PCDHGA2: variants seen among roughly 807,000 people sequenced by gnomAD.
The protein encoded by PCDHGA2 is protocadherin gamma-A2.
A neutral mutation model predicts 59.2 loss-of-function variants in PCDHGA2; 40 were observed. The observed-to-expected ratio is 0.68, with a 90% CI of 0.52 to 0.88. PCDHGA2 has a LOEUF of 0.88. PCDHGA2 is among the 40% of genes least tolerant of loss of function. PCDHGA2 has a pLI of 0.00. For missense variants in PCDHGA2, 1,226 were observed against 1,204.0 expected (o/e 1.02, Z -0.27); for synonymous variants, 560 against 526.0 (o/e 1.06, Z -0.89).
intron 1 of PCDHGA2, chr5:141,374,182 C>T (rs1262335911): frequency 1.9e-6 from 3 of 1,613,736 alleles, no homozygotes; most frequent in Middle Eastern, 1.6e-4. Flanking sequence ...AGATCCGCTA[C>T]TCTATTCCCG....
intron 1 of PCDHGA2, among the ~76,000 whole-genome samples, chr5:141,446,686 C>T (rs574630887): frequency 1.3e-5 from 2 of 152,294 alleles, no homozygotes; most frequent in African/African-American, 4.8e-5. Context: ...CCATATTGGC[C>T]AGGCTGGTCT....
At chr5:141,419,686 G>T (rs551990092) in intron 1 of PCDHGA2, 2 of 1,612,878 alleles carry the variant, frequency 1.2e-6, no homozygotes, top group South Asian at 1.1e-5. Flanking sequence ...ACCACGTGGT[G>T]CAGGCCAGTG....
chr5:141,398,040 C>T (rs569692941), intron 1 of PCDHGA2: 5 of 1,485,976 alleles, frequency 3.4e-6, no homozygotes, highest in East Asian at 4.8e-5. Context: ...AACTAAAGCC[C>T]GTTCGGAGAT....
At chr5:141,345,612 G>A (rs770695271) in intron 1 of PCDHGA2, 4 of 1,614,054 alleles carry the variant, frequency 2.5e-6, no homozygotes, top group Non-Finnish European at 3.4e-6. Context: ...GCAATTTAGA[G>A]ACTTAAAGCT....
chr5:141,356,111 T>TG (rs755507945), intron 1 of PCDHGA2: 42 of 1,613,700 alleles, frequency 2.6e-5, no homozygotes, highest in African/African-American at 8.0e-5. Context: ...ATAACAATAT[T>TG]GGGGGGTCTA....
chr5:141,414,648 T>G (rs2095770464), intron 1 of PCDHGA2: 2 of 1,613,844 alleles, frequency 1.2e-6, no homozygotes, highest in Non-Finnish European at 1.7e-6. Context: ...ATGCCCAGAT[T>G]ATTTACTCCC....
rs755130135 is a variant in PCDHGA2 at position 141,431,477 on chromosome 5, C to A, written c.2425-63330C>A. On this transcript the variant is annotated intron_variant, in intron 1 of 3. Coordinates refer to ENST00000394576, the MANE Select transcript of PCDHGA2 (RefSeq NM_018915.4). The surrounding 1 kb of genome is among the most constrained non-coding windows in gnomAD (Gnocchi z 4.8). ...GGTTCTGGATGCGAACGACAACGCA[C>A]CAGCGTTTGCTCAGCCCGAGTACCG... is the stretch of plus-strand genomic sequence containing the variant. 40 of 1,613,768 alleles carry A rather than the reference C, an allele frequency of 2.5e-5. No individual in the cohort carries two copies. The highest frequency in any genetic ancestry group is 3.3e-5 in the Admixed American group (2 of 60,008).
At chr5:141,376,186 C>T in intron 1 of PCDHGA2, 2 of 1,614,136 alleles carry the variant, frequency 1.2e-6, no homozygotes, top group Non-Finnish European at 1.7e-6. Flanking sequence ...CCGCGGTCTC[C>T]TGCGTCTTCC....
intron 1 of PCDHGA2, chr5:141,383,656 G>C: frequency 1.2e-6 from 2 of 1,614,008 alleles, no homozygotes; most frequent in South Asian, 1.1e-5. Flanking sequence ...AACTGTCCCC[G>C]AGAATGTGCC....
chr5:141,442,534 GA>G (rs1156284172), intron 1 of PCDHGA2: 1 of 152,222 alleles, frequency 6.6e-6, no homozygotes, highest in Non-Finnish European at 1.5e-5. Context: ...TCTCCAAGGT[GA>G]AAAATTCTTG....
rs1463478651 is a variant in PCDHGA2 at position 141,341,071 on chromosome 5, C to G, written c.2100C>G (p.Val700=). 6.2e-7 allele frequency: 1 copy of G among 1,614,178 alleles called. No homozygotes were observed. Among genetic ancestry groups the G allele is most frequent in the Non-Finnish European group, 8.5e-7 (1 of 1,180,034 alleles). The change falls in exon 1 of 4, where the codon GTC becomes GTG. Residue 700 remains valine (V), a synonymous_variant. Transcript: ENST00000394576. Reference sequence around the variant, plus strand: ...ACCTGGTGGTGGCGGTGGCCGCGGTCTCCTGCGTCTTCCTGGCCTTCGTCA... The same window carrying G: ...ACCTGGTGGTGGCGGTGGCCGCGGTGTCCTGCGTCTTCCTGGCCTTCGTCA... ...TLYLVVAVAA[V]SCVFLAFVIV... is the part of the protein sequence containing the mutation.
chr5:141,390,332 A>T, intron 1 of PCDHGA2: 1 of 1,600,116 alleles, frequency 6.2e-7, no homozygotes, highest in Non-Finnish European at 8.5e-7. Flanking sequence ...CCATTTCTCC[A>T]TATTCACAAG....
chr5:141,500,189 TTTA>T (rs780229863), intron 2 of PCDHGA2, among the ~76,000 whole-genome samples: 5,656 of 110,928 alleles, frequency 0.051, 122 homozygotes, highest in Middle Eastern at 0.14. Context: ...TTTATTTTTA[TTTA>T]TTTATTTATT....
intron 1 of PCDHGA2, chr5:141,371,689 T>C: frequency 6.2e-7 from 1 of 1,613,982 alleles, no homozygotes; most frequent in Non-Finnish European, 8.5e-7. Flanking sequence ...AATCCACCGC[T>C]CTCCTCCAGC....
At chr5:141,386,234 T>A (rs570347588) in intron 1 of PCDHGA2, among the ~76,000 whole-genome samples, 2 of 152,292 alleles carry the variant, frequency 1.3e-5, no homozygotes, top group Admixed American at 6.5e-5. Context: ...TACTGAAAAA[T>A]TCAGTTGGAA....
intron 1 of PCDHGA2, among the ~76,000 whole-genome samples, chr5:141,468,131 C>A (rs1006565854): frequency 1.3e-5 from 2 of 151,650 alleles, no homozygotes; most frequent in South Asian, 4.2e-4. Context: ...TTGAGACCAG[C>A]CTGGCCAACA....
Position 141,339,638 on chromosome 5 carries a change from T to C in PCDHGA2, c.667T>C (p.Ser223Pro). Residue 223 changes from serine (S) to proline (P), a missense_variant, in exon 1 of 4, where the codon TCT (serine) becomes CCT (proline). By Grantham distance (74) the Ser-to-Pro change is moderately conservative (BLOSUM62 -1). Transcript: ENST00000394576. ...TTCTGATGGGGGTGACCCAGTGCTA[T>C]CTGGCACCTCCCGCATCTGCGTGAA... Reference protein sequence around the residue: ...VASDGGDPVLSGTSRICVKVL... With the variant: ...VASDGGDPVLPGTSRICVKVL... The C allele has an allele frequency of 6.2e-7, 1 of 1,614,222 alleles. No individual in the cohort carries two copies. The highest frequency in any genetic ancestry group is 8.5e-7 in the Non-Finnish European group (1 of 1,180,038).
At chr5:141,475,543 G>A (rs1161883598) in intron 1 of PCDHGA2, among the ~76,000 whole-genome samples, 1 of 152,196 alleles carries the variant, frequency 6.6e-6, no homozygotes, top group African/African-American at 2.4e-5. Flanking sequence ...TACAAGTAGG[G>A]TCCGGCTAAT....
chr5:141,417,975 A>C, intron 1 of PCDHGA2: 3 of 1,613,724 alleles, frequency 1.9e-6, no homozygotes, highest in Non-Finnish European at 2.5e-6. Context: ...TCGATTCCGG[A>C]GGAGCTGGCC....
Sources: allele counts gnomAD v4.1 joint callset (sites outside exome capture counted in the v4.1 genomes callset), GRCh38; gene constraint gnomAD v4.1.1; non-coding constraint Gnocchi (gnomAD v3.1); transcripts MANE v1.5; gene names NCBI Gene and HGNC (gene_info 2026-07-23, HGNC 2026-07-21).